The following AHNAK2 variants were observed in gnomAD, a reference collection of about 807,000 sequenced individuals.
AHNAK2 encodes the protein AHNAK nucleoprotein 2, also known as protein AHNAK2.
Under a neutral mutation model 30.7 loss-of-function variants are expected in AHNAK2, and 18 were observed. The ratio of observed to expected loss-of-function variants is 0.59; its 90% CI spans 0.41 to 0.87. The LOEUF is 0.87. Ranked by LOEUF, AHNAK2 falls within the 40% of genes least tolerant of loss-of-function variation. The pLI is 0.00. For missense variants in AHNAK2, 8,604 were observed against 7,373.0 expected, an observed-to-expected ratio of 1.17 and a Z score of -6.11; for synonymous variants, 3,590 against 3,073.8, an observed-to-expected ratio of 1.17 and a Z score of -5.56.
intron 1 of AHNAK2, among the ~76,000 whole-genome samples, chr14:104,959,280 C>A (rs1483697001): frequency 6.6e-6 from 1 of 152,332 alleles, no homozygotes; most frequent in East Asian, 1.9e-4. Flanking sequence ...TCAAGTGATT[C>A]TTCTGCCTCA....
Position 104,939,896 on chromosome 14 carries a change from C to A in AHNAK2, c.15555G>T (p.Ser5185=), listed in dbSNP as rs778899251. ...TGGGCATTTTAAACCAGCTTTCCTGCGAGTACTTGGTCATGGCTTCCTCCT... is the reference window on the plus strand; with the variant it reads ...TGGGCATTTTAAACCAGCTTTCCTGAGAGTACTTGGTCATGGCTTCCTCCT... The part of the protein sequence containing the change: ...SPEEEAMTKY[S]QESWFKMPKF... The change falls in exon 7 of 7, where the codon TCG becomes TCT. Residue 5185 remains serine (S), a synonymous_variant. Transcript: ENST00000333244. 1.2e-6 allele frequency: 2 copies of A among 1,613,432 alleles called. No individual in the cohort carries two copies. The highest frequency in any genetic ancestry group is 1.1e-5 in the South Asian group (1 of 91,088).
chr14:104,958,063 A>G (rs748117275), intron 1 of AHNAK2, among the ~76,000 whole-genome samples: 26 of 152,244 alleles, frequency 1.7e-4, no homozygotes, highest in Non-Finnish European at 3.7e-4. Context: ...ACAAGAATGT[A>G]TGGTCCATAC....
rs771197346 is a variant in AHNAK2, at chr14:104,954,667, G to T, written c.784C>A (p.Pro262Thr). Residue 262 changes from proline (P) to threonine (T), a missense_variant, in exon 7 of 7, where the codon CCA becomes ACA. Coordinates refer to ENST00000333244, the MANE Select transcript of AHNAK2 (RefSeq NM_138420.4). The surrounding 1 kb of genome is among the most constrained non-coding windows in gnomAD (Gnocchi z 4.3). Reference sequence around the variant, plus strand: ...TTGCTCTTTATGGATTGAAATTTTGGCCAAGAGAGCCTCTCCCTCTGGCTC... The same window carrying T: ...TTGCTCTTTATGGATTGAAATTTTGTCCAAGAGAGCCTCTCCCTCTGGCTC... ...RQSQRERLSW[P>T]KFQSIKSKRG... The T allele has an allele frequency of 5.0e-6, 8 of 1,612,486 alleles. No individual in the cohort carries two copies. Among genetic ancestry groups the T allele is most frequent in the Non-Finnish European group, 6.8e-6 (8 of 1,179,640 alleles).
Position 104,943,698 on chromosome 14 carries a change from GGGTCTTTTA to G in AHNAK2, c.11744_11752del (p.Leu3915_Asp3917del). The G allele has an allele frequency of 2.5e-6, 4 of 1,613,132 alleles. No homozygotes were observed. The highest frequency in any genetic ancestry group is 1.1e-5 in the South Asian group (1 of 91,044). On this transcript the variant is annotated inframe_deletion, in exon 7 of 7. Transcript: ENST00000333244. ...ATCAGGGGCTGTCACTTCCACCTTGGGGTCTTTTAGGTCCAGCTTGGGGCCCTTGATGTC... is the reference window on the plus strand; with the variant it reads ...ATCAGGGGCTGTCACTTCCACCTTGGGGTCCAGCTTGGGGCCCTTGATGTC...
In AHNAK2 at chr14:104,944,704, G is replaced by C. The variant is rs779717604; in HGVS notation, c.10747C>G (p.Leu3583Val). Residue 3583 changes from leucine (L) to valine (V), a missense_variant, in exon 7 of 7, where the codon CTG becomes GTG. Physicochemically the swap from Leu to Val is conservative, Grantham distance 32. Coordinates refer to ENST00000333244, the MANE Select transcript of AHNAK2 (RefSeq NM_138420.4). ...TCTGCCTTGGGGCCTTTCAGGTCCA[G>C]CTTGGGGCCCTTAACATCTATCTGG... ...GPQIDVKGPK[L>V]DLKGPKAEVR... The C allele has an allele frequency of 6.2e-7, 1 of 1,612,904 alleles. No homozygotes were observed. The highest frequency in any genetic ancestry group is 1.7e-5 in the Admixed American group (1 of 59,930).
In AHNAK2 at chr14:104,940,200, C is replaced by T. The variant is rs1476096363; in HGVS notation, c.15251G>A (p.Gly5084Asp). Residue 5084 changes from glycine (G) to aspartate (D), a missense_variant, in exon 7 of 7, where the codon GGT becomes GAT. Coordinates refer to ENST00000333244, the MANE Select transcript of AHNAK2 (RefSeq NM_138420.4). This position sits in a 1 kb window ranked among gnomAD's most constrained non-coding sequence, Gnocchi z 4.4. ...GACCTGTGGCCGGTGGAGGTTCACA[C>T]CCTCACTTCCTGTGGCACTTGCTGT... is the stretch of plus-strand genomic sequence containing the variant. ...GATASATGSE[G>D]VNLHRPQVHI... The T allele has an allele frequency of 2.5e-6, 4 of 1,613,466 alleles. No homozygotes were observed. Among genetic ancestry groups the T allele is most frequent in the African/African-American group, 1.3e-5 (1 of 74,930 alleles).
In AHNAK2 at chr14:104,948,254, C is replaced by A. The variant is rs371248101; in HGVS notation, c.7197G>T (p.Gly2399=). ...GPVPEGAGLK[G]HLPKLQMPSF... ...TGGGCATCTGCAGCTTGGGCAGGTG[C>A]CCTTTGAGGCCGGCTCCCTCCGGCA... The change falls in exon 7 of 7, where the codon GGG becomes GGT. Residue 2399 remains glycine (G), a synonymous_variant. Transcript: ENST00000333244. 65 of 1,612,178 alleles carry A rather than the reference C, an allele frequency of 4.0e-5. No individual in the cohort carries two copies. Among genetic ancestry groups the A allele is most frequent in the Non-Finnish European group, 5.1e-5 (60 of 1,179,482 alleles).
chr14:104,938,486 G>A lies in AHNAK2; in HGVS notation c.16965C>T (p.Ser5655=). ...CAACACCTGTCTCATCAACAGAAGA[G>A]GAAAACCCAATGTTTGGAAGCCAAA... ...LWFWLPNIGF[S]SSVDETGVDS... is the part of the protein sequence containing the mutation. Residue 5655 remains serine (S), a synonymous_variant, in exon 7 of 7, where the codon TCC becomes TCT. Transcript: ENST00000333244. 1 of 1,613,838 alleles carries A rather than the reference G, an allele frequency of 6.2e-7. No individual in the cohort carries two copies. The highest frequency in any genetic ancestry group is 8.5e-7 in the Non-Finnish European group (1 of 1,179,866).
At chr14:104,975,502 G>A (rs1899569579) in intron 1 of AHNAK2, among the ~76,000 whole-genome samples, 1 of 152,244 alleles carries the variant, frequency 6.6e-6, no homozygotes, top group South Asian at 2.1e-4. Flanking sequence ...CCTCCTCAAG[G>A]CCCATTCCTG....
Position 104,950,628 on chromosome 14 carries a change from G to A in AHNAK2, c.4823C>T (p.Pro1608Leu). The A allele has an allele frequency of 1.3e-6, 2 of 1,586,944 alleles. No homozygotes were observed. Among genetic ancestry groups the A allele is most frequent in the African/African-American group, 1.4e-5 (1 of 73,238 alleles). Residue 1608 changes from proline to leucine, a missense_variant, in exon 7 of 7, where the codon CCC becomes CTC. Pro to Leu is a moderately conservative substitution (Grantham distance 98). Transcript: ENST00000333244. ...ATCGGGGGCTGTCACTTCCACCTTG[G>A]GGCCTTTCAGGTCCAGCTTGGGGCC... ...VKGPKLDLKG[P>L]KVEVTAPDVK...
chr14:104,954,891 C>G lies in AHNAK2; in HGVS notation c.651+66G>C. 6 of 1,551,174 alleles carry G rather than the reference C, an allele frequency of 3.9e-6. No homozygotes were observed. Among genetic ancestry groups the G allele is most frequent in the Non-Finnish European group, 5.2e-6 (6 of 1,149,550 alleles). ...AGATGGAGTGGGAGTGCTATCCCCTCCCAGGCTCAGCCAGCAGGGTAGTGA... is the reference window on the plus strand; with the variant it reads ...AGATGGAGTGGGAGTGCTATCCCCTGCCAGGCTCAGCCAGCAGGGTAGTGA... On this transcript the variant is annotated intron_variant, in intron 6 of 6. Transcript: ENST00000333244. The surrounding 1 kb of genome is among the most constrained non-coding windows in gnomAD (Gnocchi z 4.3).
chr14:104,941,943 T>G lies in AHNAK2; in HGVS notation c.13508A>C (p.Gln4503Pro). 2 of 1,613,556 alleles carry G rather than the reference T, an allele frequency of 1.2e-6. No individual in the cohort carries two copies. The highest frequency in any genetic ancestry group is 1.7e-6 in the Non-Finnish European group (2 of 1,179,668). The stretch of plus-strand genomic sequence containing the variant: ...GAGGTCAGTGGTCTTGAGGTCCCCC[T>G]GCATGGAGGGAATGCTCATGTCGGC... ...MEADMSIPSMQGDLKTTDLRI... is the reference protein window; with the variant it reads ...MEADMSIPSMPGDLKTTDLRI... The change falls in exon 7 of 7, where the codon CAG (glutamine) becomes CCG (proline). Residue 4503 changes from glutamine (Q) to proline (P), a missense_variant. By Grantham distance (76) the Gln-to-Pro change is moderately conservative (BLOSUM62 -1). Transcript: ENST00000333244.
intron 1 of AHNAK2, among the ~76,000 whole-genome samples, chr14:104,969,699 CATCTCCTTCTGCTCCTGGAGA>C (rs971529511): frequency 6.6e-6 from 1 of 152,230 alleles, no homozygotes; most frequent in African/African-American, 2.4e-5. Context: ...GGGCCCAGTT[CATCTCCTTCTGCTCCTGGAGA>C]AACTGAGGCA....
At chr14:104,973,896 G>A (rs565153931) in intron 1 of AHNAK2, among the ~76,000 whole-genome samples, 17 of 152,332 alleles carry the variant, frequency 1.1e-4, no homozygotes, top group African/African-American at 3.1e-4. Flanking sequence ...CCGGAGGGGA[G>A]GGGAGGGCGG....
In AHNAK2 at chr14:104,942,038, T is replaced by C. The variant is rs201823484; in HGVS notation, c.13413A>G (p.Pro4471=). 13 of 1,610,028 alleles carry C rather than the reference T, an allele frequency of 8.1e-6. No individual in the cohort carries two copies. The African/African-American group carries it at 9.5e-5, about 12-fold the overall frequency. Residue 4471 remains proline, a synonymous_variant, in exon 7 of 7, where the codon CCA becomes CCG. Coordinates refer to ENST00000333244, the MANE Select transcript of AHNAK2 (RefSeq NM_138420.4). ...TGCCTGGGGACAACATCCCAAAGGATGGCATCTTGAACTTGGGCATTTTGA... is the reference window on the plus strand; with the variant it reads ...TGCCTGGGGACAACATCCCAAAGGACGGCATCTTGAACTTGGGCATTTTGA... ...SKFKMPKFKM[P]SFGMLSPGKS... is the part of the protein sequence containing the mutation.
chr14:104,976,361 C>T (rs1292217995), intron 1 of AHNAK2, among the ~76,000 whole-genome samples: 1 of 152,164 alleles, frequency 6.6e-6, no homozygotes, highest in Non-Finnish European at 1.5e-5. Context: ...GGGCAGAGGG[C>T]AGGTTTGGAC....
In AHNAK2 at chr14:104,938,154, G is replaced by T. The variant is rs769152763; in HGVS notation, c.17297C>A (p.Ser5766Tyr). ...TGLDSRVMVT[S>Y]AARTELILPE... is the part of the protein sequence containing the mutation. ...CAGGATTAACTCTGTTCTTGCCGCGGATGTCACCATCACTCTGGAGTCCAG... is the reference window on the plus strand; with the variant it reads ...CAGGATTAACTCTGTTCTTGCCGCGTATGTCACCATCACTCTGGAGTCCAG... Residue 5766 changes from serine (S) to tyrosine (Y), a missense_variant, in exon 7 of 7, where the codon TCC becomes TAC. Coordinates refer to ENST00000333244, the MANE Select transcript of AHNAK2 (RefSeq NM_138420.4). The T allele has an allele frequency of 2.5e-6, 4 of 1,613,916 alleles. No homozygotes were observed. In the South Asian group the frequency reaches 4.4e-5, roughly 18 times the overall value.
At position 104,944,109 on chromosome 14, in the gene AHNAK2, T is replaced by C. The variant is rs1898130923; in HGVS notation, c.11342A>G (p.Asp3781Gly). ...CAGGTCCCCCTCCAGCTGTGCACTA[T>C]CCAGTTTGGCTCTTGGGGCCTGGAC... ...VDVQAPRAKL[D>G]SAQLEGDLSL... The change falls in exon 7 of 7, where the codon GAT becomes GGT. Residue 3781 changes from aspartate (D) to glycine (G), a missense_variant. Coordinates refer to ENST00000333244, the MANE Select transcript of AHNAK2 (RefSeq NM_138420.4). 6.2e-7 allele frequency: 1 copy of C among 1,613,036 alleles called. No homozygotes were observed. The highest frequency in any genetic ancestry group is 1.7e-5 in the Admixed American group (1 of 59,938).
chr14:104,956,954 A>G (rs1321623414), intron 3 of AHNAK2, among the ~76,000 whole-genome samples: 1 of 152,218 alleles, frequency 6.6e-6, no homozygotes, highest in East Asian at 1.9e-4. Context: ...GAAGCCCCAC[A>G]GCAACTGGAG....
Sources: gnomAD v4.1 joint callset for allele counts (sites outside exome capture counted in the v4.1 genomes callset) on GRCh38, gnomAD v4.1.1 for gene constraint, Gnocchi (gnomAD v3.1) non-coding constraint, MANE v1.5 for transcripts, NCBI Gene and HGNC (gene_info 2026-07-23, HGNC 2026-07-21) for gene names.